Variants in PIGN observed in about 807,000 individuals in gnomAD.
The protein encoded by PIGN is phosphatidylinositol glycan anchor biosynthesis class N, also known as GPI ethanolamine phosphate transferase 1.
A neutral mutation model predicts 125.4 loss-of-function variants in PIGN; 117 were observed. That is an observed-to-expected ratio of 0.93 (90% CI 0.80 to 1.09). The LOEUF is 1.09. Ranked by LOEUF, PIGN falls within the 50% of genes least tolerant of loss-of-function variation. The probability of loss-of-function intolerance (pLI) is 0.00; values close to 1 mark genes in which losing one functional copy is unlikely to be tolerated. For missense variants in PIGN, 1,075 were observed against 1,094.9 expected (o/e 0.98, Z 0.26); for synonymous variants, 392 against 377.8 (o/e 1.04, Z -0.44).
chr18:62,140,573 A>C, intron 11 of PIGN, 94 bp from the exon 12 acceptor site: 1 of 628,862 alleles, frequency 1.6e-6, no homozygotes, highest in East Asian at 2.9e-5. Context: ...AATAACCATG[A>C]TATTTGTTAT....
At chr18:62,057,610 T>C (rs901116130) in intron 30 of PIGN, among the ~76,000 whole-genome samples, 27 of 152,242 alleles carry the variant, frequency 1.8e-4, no homozygotes, top group African/African-American at 6.3e-4. Context: ...GCCAGTGTTA[T>C]GTCAAAAATG....
At chr18:62,115,171 C>A (rs1470094746) in intron 14 of PIGN, among the ~76,000 whole-genome samples, 1 of 152,122 alleles carries the variant, frequency 6.6e-6, no homozygotes, top group Admixed American at 6.6e-5. Flanking sequence ...ATATCATATA[C>A]CTTCTTCGTT....
chr18:62,107,146 CA>C lies in PIGN; in HGVS notation c.1575-62del. On this transcript the variant is annotated intron_variant, in intron 17 of 30. Coordinates refer to ENST00000640252, the MANE Select transcript of PIGN (RefSeq NM_176787.5). ...TTAGGTCATACATAGTATAACAATA[CA>C]AACTTTGCACAAAGCTAAAACACTA... 2.9e-6 allele frequency: 3 copies of C among 1,034,302 alleles called. No individual in the cohort carries two copies. In the South Asian group the frequency reaches 4.2e-5, roughly 14 times the overall value. 64.1% of individuals were successfully genotyped at this position (1,034,302 alleles called of 1,614,324 possible).
chr18:62,041,364 A>G lies in PIGN; in HGVS notation c.*4492T>C, dbSNP rs2030364300. On this transcript the variant is annotated 3_prime_UTR_variant, in exon 31 of 31. Coordinates refer to ENST00000640252, the MANE Select transcript of PIGN (RefSeq NM_176787.5). ...GGCAGGAAAAATTGCAGGAAATTGT[A>G]AAGTTTTCTCACATTAAGGGTTAAA... 6.6e-6 allele frequency: 1 copy of G among 152,342 alleles called. No individual in the cohort carries two copies. Among genetic ancestry groups the G allele is most frequent in the Non-Finnish European group, 1.5e-5 (1 of 68,024 alleles). The allele number at this position is 152,342 out of a possible 1,614,324, so 9.4% of individuals were successfully genotyped here.
Position 62,143,349 on chromosome 18 carries a change from G to C in PIGN, c.923-3C>G. ...CTTCCAATTCTCCAATCTCCACTCTGAAAGATACAATCAGACACAAGATCT... is the reference window on the plus strand; with the variant it reads ...CTTCCAATTCTCCAATCTCCACTCTCAAAGATACAATCAGACACAAGATCT... On this transcript the variant is annotated splice_polypyrimidine_tract_variant and splice_region_variant and intron_variant, in intron 10 of 30. Transcript: ENST00000640252. 6.6e-7 allele frequency: 1 copy of C among 1,516,288 alleles called. No individual in the cohort carries two copies. The highest frequency in any genetic ancestry group is 1.2e-5 in the South Asian group (1 of 84,796). The allele number at this position is 1,516,288 out of a possible 1,614,324, so 93.9% of individuals were successfully genotyped here.
At position 62,106,784 on chromosome 18, in the gene PIGN, C is replaced by T. The variant is rs1456027843; in HGVS notation, c.1767+5G>A. 1 of 1,591,268 alleles carries T rather than the reference C, an allele frequency of 6.3e-7. No individual in the cohort carries two copies. Among genetic ancestry groups the T allele is most frequent in the African/African-American group, 1.3e-5 (1 of 74,492 alleles). Reference sequence around the variant, plus strand: ...TCTGTCCTATGTCAAAATGAGTACTCATACCTTTGCTCGAGTCCACAGCCG... The same window carrying T: ...TCTGTCCTATGTCAAAATGAGTACTTATACCTTTGCTCGAGTCCACAGCCG... On this transcript the variant is annotated splice_donor_5th_base_variant and intron_variant, in intron 19 of 30. Transcript: ENST00000640252.
chr18:62,157,225 A>G lies in PIGN; in HGVS notation c.346T>C (p.Trp116Arg). 3.8e-6 allele frequency: 6 copies of G among 1,572,638 alleles called. No homozygotes were observed. Among genetic ancestry groups the G allele is most frequent in the Non-Finnish European group, 5.2e-6 (6 of 1,145,554 alleles). The change falls in exon 6 of 31, where the codon TGG becomes CGG. Residue 116 changes from tryptophan (W) to arginine (R), a missense_variant and splice_region_variant. This residue lies in a region of PIGN where 152 missense variants were observed against 162.9 expected (regional missense o/e 0.93). Transcript: ENST00000640252. ...TCAAACTCTACAGGATTTTCCTTCCATCCTTCAGAAAGCAAGCAAGCAGTA... is the reference window on the plus strand; with the variant it reads ...TCAAACTCTACAGGATTTTCCTTCCGTCCTTCAGAAAGCAAGCAAGCAGTA... ...YEDVSAVAKG[W>R]KENPVEFDSL...
chr18:62,049,503 T>C (rs1432865970), intron 30 of PIGN, among the ~76,000 whole-genome samples: 4 of 151,974 alleles, frequency 2.6e-5, no homozygotes, highest in Non-Finnish European at 5.9e-5. Context: ...AATGTCTTCT[T>C]TTGAGAAGTG....
Position 62,161,346 on chromosome 18 carries a change from A to T in PIGN, c.8T>A (p.Leu3Gln), listed in dbSNP as rs1291039857. The change falls in exon 4 of 31, where the codon CTG becomes CAG. Residue 3 changes from leucine to glutamine, a missense_variant. Around this residue, in one of 3 missense-constraint regions of PIGN, gnomAD observed 152 missense variants for 162.9 expected, o/e 0.93. Transcript: ENST00000640252. ...TATAAGCAATCCCAAAGTAAAGAAC[A>T]GCAGCATATCCAGTGTAACTAATTA... Reference protein sequence around the residue: MLLFFTLGLLIHF... With the variant: MLQFFTLGLLIHF... The T allele has an allele frequency of 1.2e-6, 2 of 1,609,602 alleles. No homozygotes were observed. The highest frequency in any genetic ancestry group is 1.7e-6 in the Non-Finnish European group (2 of 1,176,860).
At position 62,157,175 on chromosome 18, in the gene PIGN, G is replaced by A. The variant is rs372618443; in HGVS notation, c.396C>T (p.Tyr132=). 4.3e-5 allele frequency: 70 copies of A among 1,609,768 alleles called. No homozygotes were observed. In the African/African-American group the frequency reaches 8.4e-4, roughly 19 times the overall value. Residue 132 remains tyrosine (Y), a synonymous_variant, in exon 6 of 31, where the codon TAC becomes TAT. Coordinates refer to ENST00000640252, the MANE Select transcript of PIGN (RefSeq NM_176787.5). Reference sequence around the variant, plus strand: ...TATCTGGGCTTCCCCAGCTCCATGTGTATTTACTTTCATTAAAAAGAGAAT... The same window carrying A: ...TATCTGGGCTTCCCCAGCTCCATGTATATTTACTTTCATTAAAAAGAGAAT... ...EFDSLFNESK[Y]TWSWGSPDIL... is the part of the protein sequence containing the mutation.
At chr18:62,069,945 T>C (rs2032747037) in intron 30 of PIGN, 1 of 152,748 alleles carries the variant, frequency 6.5e-6, no homozygotes, top group Non-Finnish European at 1.5e-5. Flanking sequence ...AACAAAATTC[T>C]GACCAATGTC....
At chr18:62,115,455 G>T (rs965624177) in intron 14 of PIGN, among the ~76,000 whole-genome samples, 2 of 152,056 alleles carry the variant, frequency 1.3e-5, no homozygotes, top group African/African-American at 4.8e-5. Flanking sequence ...TTTTAAAAAT[G>T]CATGCAAAGT....
At chr18:62,158,477 G>A (rs1010536699) in intron 4 of PIGN, among the ~76,000 whole-genome samples, 2 of 152,140 alleles carry the variant, frequency 1.3e-5, no homozygotes, top group African/African-American at 4.8e-5. Context: ...CCCCAAATTT[G>A]AGATTAAAAC....
chr18:62,169,198 T>A (rs1282160271), intron 1 of PIGN, among the ~76,000 whole-genome samples: 1 of 152,202 alleles, frequency 6.6e-6, no homozygotes, highest in Non-Finnish European at 1.5e-5. Context: ...TTTTGAATTT[T>A]ATAAAAATCT....
chr18:62,101,074 C>T lies in PIGN; in HGVS notation c.2077+1G>A. On this transcript the variant is annotated splice_donor_variant, in intron 22 of 30. Transcript: ENST00000640252. LOFTEE classifies it high-confidence loss of function. ...CTCACCTGGTTTGAGTGGCCTCTTA[C>T]CTAATGTTGCCCAGCTAATAATTTG... 1 of 1,564,754 alleles carries T rather than the reference C, an allele frequency of 6.4e-7. No individual in the cohort carries two copies. Among genetic ancestry groups the T allele is most frequent in the Non-Finnish European group, 8.8e-7 (1 of 1,134,986 alleles).
intron 10 of PIGN, 41 bp from the exon 11 acceptor site, chr18:62,143,387 TA>T (rs1423754376): frequency 2.5e-6 from 3 of 1,212,698 alleles, no homozygotes; most frequent in Non-Finnish European, 3.6e-6. Flanking sequence ...TGTTAAGATT[TA>T]AAAAAGAATA....
intron 21 of PIGN, among the ~76,000 whole-genome samples, chr18:62,101,508 C>T (rs186706454): frequency 7.2e-4 from 110 of 152,328 alleles, no homozygotes; most frequent in African/African-American, 2.5e-3. Flanking sequence ...TGGATACATT[C>T]TGTCAAAGCT....
intron 30 of PIGN, among the ~76,000 whole-genome samples, chr18:62,059,825 T>C (rs1011706742): frequency 9.2e-5 from 14 of 152,246 alleles, no homozygotes; most frequent in African/African-American, 2.7e-4. Context: ...GTATGAATTA[T>C]ACTCAATAAA....
At chr18:62,158,046 C>T (rs1226767303) in intron 4 of PIGN, 1 of 386,044 alleles carries the variant, frequency 2.6e-6, no homozygotes, top group Non-Finnish European at 4.8e-6. Flanking sequence ...AACCACTGCA[C>T]AGAATCATGA....
Sources: allele counts gnomAD v4.1 joint callset (sites outside exome capture counted in the v4.1 genomes callset), GRCh38; gene constraint gnomAD v4.1.1; regional missense constraint gnomAD v4.1.1; transcripts MANE v1.5; gene names NCBI Gene and HGNC (gene_info 2026-07-23, HGNC 2026-07-21).